The following CNDP1 variants were observed in gnomAD, a reference collection of about 807,000 sequenced individuals.
The protein encoded by CNDP1 is carnosine dipeptidase 1, also known as beta-Ala-His dipeptidase.
Under a neutral mutation model 58.1 loss-of-function variants are expected in CNDP1, and 44 were observed. The ratio of observed to expected loss-of-function variants is 0.76; its 90% CI spans 0.60 to 0.97. The LOEUF is 0.97. Ranked by LOEUF, CNDP1 falls within the 50% of genes least tolerant of loss-of-function variation. CNDP1 has a pLI of 0.00. For missense variants in CNDP1, 616 were observed against 655.1 expected (o/e 0.94, Z 0.65); for synonymous variants, 254 against 252.6 (o/e 1.01, Z -0.05).
intron 1 of CNDP1, among the ~76,000 whole-genome samples, chr18:74,538,699 G>A (rs1023202028): frequency 6.6e-6 from 1 of 152,140 alleles, no homozygotes; most frequent in Non-Finnish European, 1.5e-5. Context: ...CAAAACACTT[G>A]TTATCTGACT....
intron 11 of CNDP1, 62 bp downstream of exon 11, chr18:74,583,770 A>C: frequency 6.6e-7 from 1 of 1,526,234 alleles, no homozygotes; most frequent in Non-Finnish European, 9.0e-7. Context: ...ACCCGGGTCT[A>C]CACGTGGGTG....
intron 1 of CNDP1, among the ~76,000 whole-genome samples, chr18:74,555,131 T>G (rs940025207): frequency 1.3e-5 from 2 of 152,068 alleles, no homozygotes; most frequent in Non-Finnish European, 2.9e-5. Context: ...ATTAAACAAG[T>G]CAGAATTTGA....
At position 74,557,300 on chromosome 18, in the gene CNDP1, C is replaced by T. The variant is rs578131475; in HGVS notation, c.153+834C>T. Among the ~76,000 whole-genome samples the T allele has an allele frequency of 1.7e-4, 26 of 152,254 alleles. No homozygotes were observed. The South Asian group carries it at 2.5e-3, about 15-fold the overall frequency. On this transcript the variant is annotated intron_variant, in intron 2 of 11. Transcript: ENST00000358821. ...GCAGTGGCACAAACACAGCTCACTG[C>T]GGCCTCGACCTCCTGGGTTCAAGTG...
chr18:74,572,808 A>AAG (rs1981516751), intron 7 of CNDP1, among the ~76,000 whole-genome samples: 3 of 135,392 alleles, frequency 2.2e-5, no homozygotes, highest in Admixed American at 7.7e-5. Flanking sequence ...AAAAAAAAAA[A>AAG]AAAGAAAGAA....
At chr18:74,575,963 G>A (rs543752951) in intron 7 of CNDP1, among the ~76,000 whole-genome samples, 68 of 149,710 alleles carry the variant, frequency 4.5e-4, no homozygotes, top group African/African-American at 1.6e-3. Context: ...TCCGCCTCCT[G>A]GGTTCAAGCG....
intron 1 of CNDP1, among the ~76,000 whole-genome samples, chr18:74,551,395 A>ACACACAC (rs1568293393): frequency 1.2e-3 from 135 of 109,544 alleles, no homozygotes; most frequent in African/African-American, 4.2e-3. Flanking sequence ...CACACACACA[A>ACACACAC]ACAAAAACAG....
intron 1 of CNDP1, among the ~76,000 whole-genome samples, chr18:74,546,166 T>TA (rs1328072657): frequency 6.6e-6 from 1 of 152,252 alleles, no homozygotes; most frequent in African/African-American, 2.4e-5. Context: ...AAGCCACTGT[T>TA]ACGTTTCTAG....
chr18:74,567,208 A>AT, intron 5 of CNDP1, 25 bp from the exon 6 acceptor site: 1 of 1,602,688 alleles, frequency 6.2e-7, no homozygotes, highest in Non-Finnish European at 8.5e-7. Context: ...AACTTGTGCA[A>AT]TTTTTTTCTT....
chr18:74,536,985 G>C (rs1436966911), intron 1 of CNDP1, among the ~76,000 whole-genome samples: 2 of 152,088 alleles, frequency 1.3e-5, no homozygotes, highest in African/African-American at 4.8e-5. Flanking sequence ...TAATGGGATT[G>C]TTTGTTTTTT....
intron 3 of CNDP1, among the ~76,000 whole-genome samples, chr18:74,560,140 C>T (rs1233986802): frequency 6.6e-6 from 1 of 151,976 alleles, no homozygotes; most frequent in Non-Finnish European, 1.5e-5. Flanking sequence ...CTCAGCCTCC[C>T]GAGTAGCTGG....
chr18:74,549,631 T>G (rs1568292753), intron 1 of CNDP1, among the ~76,000 whole-genome samples: 1 of 152,208 alleles, frequency 6.6e-6, no homozygotes, highest in Non-Finnish European at 1.5e-5. Flanking sequence ...TTGAACAGGT[T>G]GCAGAGCAAC....
rs1350874337 is a variant in CNDP1 at position 74,585,304 on chromosome 18, C to T, written c.*742C>T. 1 of 152,252 alleles carries T rather than the reference C, an allele frequency of 6.6e-6. No individual in the cohort carries two copies. The highest frequency in any genetic ancestry group is 1.5e-5 in the Non-Finnish European group (1 of 68,076). 9.4% of individuals were successfully genotyped at this position (152,252 alleles called of 1,614,324 possible). ...TCCCATCAGAAAAGGCCCACTCTCT[C>T]TCTATCCAACATCTGTGCACAGGTT... is the stretch of plus-strand genomic sequence containing the variant. On this transcript the variant is annotated 3_prime_UTR_variant, in exon 12 of 12. Coordinates refer to ENST00000358821, the MANE Select transcript of CNDP1 (RefSeq NM_032649.6).
chr18:74,556,349 G>A lies in CNDP1; in HGVS notation c.36G>A (p.Leu12=), dbSNP rs1981037262. The change falls in exon 2 of 12, where the codon CTG becomes CTA. Residue 12 remains leucine (L), a synonymous_variant. Coordinates refer to ENST00000358821, the MANE Select transcript of CNDP1 (RefSeq NM_032649.6). Reference sequence around the variant, plus strand: ...TCAAACCCTTCCAGGCTGCGTCCCTGCTGGCTGTGCTGCTGCTGCTGCTGG... The same window carrying A: ...TCAAACCCTTCCAGGCTGCGTCCCTACTGGCTGTGCTGCTGCTGCTGCTGG... ...DPKLGRMAAS[L]LAVLLLLLER... 2 of 1,586,246 alleles carry A rather than the reference G, an allele frequency of 1.3e-6. No individual in the cohort carries two copies. Among genetic ancestry groups the A allele is most frequent in the Non-Finnish European group, 1.7e-6 (2 of 1,169,700 alleles).
intron 1 of CNDP1, 145 bp downstream of exon 1, chr18:74,534,836 G>A (rs941296542): frequency 7.5e-6 from 6 of 805,314 alleles, no homozygotes; most frequent in African/African-American, 6.8e-5. Context: ...CTTAGGTGCT[G>A]TCTTGGCCGA....
rs10663835 is a variant in CNDP1, at chr18:74,556,356, G to GTGCTGCTGC, written c.52_60dup (p.Leu18_Leu20dup). 139 of 1,574,286 alleles carry GTGCTGCTGC rather than the reference G, an allele frequency of 8.8e-5. No homozygotes were observed. Among genetic ancestry groups the GTGCTGCTGC allele is most frequent in the East Asian group, 6.4e-4 (25 of 39,134 alleles). On this transcript the variant is annotated inframe_insertion, in exon 2 of 12. Coordinates refer to ENST00000358821, the MANE Select transcript of CNDP1 (RefSeq NM_032649.6). ...CTTCCAGGCTGCGTCCCTGCTGGCT[G>GTGCTGCTGC]TGCTGCTGCTGCTGCTGGAGCGCGG...
At chr18:74,539,222 A>C (rs1315432177) in intron 1 of CNDP1, among the ~76,000 whole-genome samples, 1 of 146,486 alleles carries the variant, frequency 6.8e-6, no homozygotes, top group Non-Finnish European at 1.5e-5. Context: ...TTGACTAAGG[A>C]GATCTACACC....
intron 1 of CNDP1, among the ~76,000 whole-genome samples, chr18:74,544,756 G>A (rs56000974): frequency 0.17 from 25,088 of 148,558 alleles, 2,256 homozygotes; most frequent in Middle Eastern, 0.24. Context: ...TTATATAGTG[G>A]TAAGAAAATA....
Position 74,545,555 on chromosome 18 carries a change from C to T in CNDP1, c.25-10783C>T, listed in dbSNP as rs556027592. On this transcript the variant is annotated intron_variant, in intron 1 of 11. Transcript: ENST00000358821. This position sits in a 1 kb window ranked among gnomAD's most constrained non-coding sequence, Gnocchi z 4.1. ...ACGGTCCCACCAAAACCCTGCCAGGCTCTCCTCTCCTGACTCCGTGAGAAA... is the reference window on the plus strand; with the variant it reads ...ACGGTCCCACCAAAACCCTGCCAGGTTCTCCTCTCCTGACTCCGTGAGAAA... Among the ~76,000 whole-genome samples the T allele has an allele frequency of 1.3e-5, 2 of 152,178 alleles. No homozygotes were observed. The highest frequency in any genetic ancestry group is 2.4e-5 in the African/African-American group (1 of 41,442).
At chr18:74,561,501 A>G (rs1412361680) in intron 4 of CNDP1, 1 of 155,818 alleles carries the variant, frequency 6.4e-6, no homozygotes, top group African/African-American at 2.4e-5. Flanking sequence ...TCATTTGTGA[A>G]AAAAACGGTA....
Sources: allele counts gnomAD v4.1 joint callset (sites outside exome capture counted in the v4.1 genomes callset), GRCh38; gene constraint gnomAD v4.1.1; non-coding constraint Gnocchi (gnomAD v3.1); transcripts MANE v1.5; gene names NCBI Gene and HGNC (gene_info 2026-07-23, HGNC 2026-07-21).